Variants in TFDP2 observed in about 807,000 individuals in gnomAD.
The protein encoded by TFDP2 is transcription factor Dp-2 (E2F dimerization partner 2).
Under a neutral mutation model 59.3 loss-of-function variants are expected in TFDP2, and 17 were observed. That is an observed-to-expected ratio of 0.29 (90% CI 0.20 to 0.43). TFDP2 has a LOEUF of 0.43. TFDP2 is among the 20% of genes least tolerant of loss of function. The probability of loss-of-function intolerance (pLI) is 1.00; values close to 1 mark genes in which losing one functional copy is unlikely to be tolerated. For missense variants in TFDP2, 391 were observed against 528.8 expected (o/e 0.74, Z 2.56); for synonymous variants, 180 against 194.7 (o/e 0.92, Z 0.63).
chr3:141,999,393 G>C (rs1327343769), intron 4 of TFDP2, among the ~76,000 whole-genome samples: 1 of 152,086 alleles, frequency 6.6e-6, no homozygotes, highest in East Asian at 1.9e-4. Flanking sequence ...TCAATAATAA[G>C]GTATTAATAG....
chr3:141,998,165 C>A (rs1028893022), intron 4 of TFDP2, among the ~76,000 whole-genome samples: 1 of 152,034 alleles, frequency 6.6e-6, no homozygotes, highest in Non-Finnish European at 1.5e-5. Flanking sequence ...ATGTGAGATA[C>A]AGTAAGTTCC....
intron 1 of TFDP2, among the ~76,000 whole-genome samples, chr3:142,117,743 T>C (rs1005480798): frequency 2.6e-5 from 4 of 151,952 alleles, no homozygotes; most frequent in Non-Finnish European, 4.4e-5. Flanking sequence ...CAGGTATACA[T>C]ATATAAAGAA....
intron 10 of TFDP2, among the ~76,000 whole-genome samples, chr3:141,961,962 G>T (rs1286512896): frequency 1.3e-5 from 2 of 151,684 alleles, no homozygotes; most frequent in Non-Finnish European, 2.9e-5. Context: ...CTCTTTTTTT[G>T]GGGGGGACGG....
chr3:141,974,941 T>C (rs1438560746), intron 7 of TFDP2, among the ~76,000 whole-genome samples: 1 of 141,898 alleles, frequency 7.0e-6, no homozygotes, highest in African/African-American at 2.7e-5. Flanking sequence ...TGAGACAGTG[T>C]CTCGCTCTCT....
At chr3:142,037,877 A>G (rs1441022680) in intron 3 of TFDP2, among the ~76,000 whole-genome samples, 1 of 152,194 alleles carries the variant, frequency 6.6e-6, no homozygotes, top group Non-Finnish European at 1.5e-5. Flanking sequence ...TTCCCTTTTA[A>G]GTGGATATTT....
rs186980595 is a variant in TFDP2, at chr3:142,125,544, C to A, written c.-93+23639G>T. ...TCTATATGGATACTCACTACAGTGT[C>A]ATTTATATAGCAAAAGATTGGAAAA... On this transcript the variant is annotated intron_variant, in intron 1 of 12. Coordinates refer to ENST00000489671, the MANE Select transcript of TFDP2 (RefSeq NM_001178139.2). Among the ~76,000 whole-genome samples, 139 of 152,092 alleles carry A rather than the reference C, an allele frequency of 9.1e-4. 1 individual carries two copies. The highest frequency in any genetic ancestry group is 3.1e-3 in the African/African-American group (130 of 41,504).
chr3:142,113,556 C>G (rs2061736985), intron 1 of TFDP2, among the ~76,000 whole-genome samples: 1 of 152,028 alleles, frequency 6.6e-6, no homozygotes, highest in Non-Finnish European at 1.5e-5. Flanking sequence ...CCACTGTGCC[C>G]GGCCGACTTT....
chr3:141,989,635 C>T (rs1242739057), intron 6 of TFDP2: 2 of 152,314 alleles, frequency 1.3e-5, no homozygotes, highest in South Asian at 2.1e-4. Context: ...TTTATTCAAT[C>T]GCCCTCCTTA....
intron 6 of TFDP2, among the ~76,000 whole-genome samples, chr3:141,980,522 C>T (rs139793053): frequency 6.7e-4 from 102 of 151,950 alleles, no homozygotes; most frequent in African/African-American, 2.3e-3. Context: ...TATTTTTGGA[C>T]CCATTAATAT....
At chr3:142,141,811 A>C (rs1188201223) in intron 1 of TFDP2, among the ~76,000 whole-genome samples, 1 of 152,050 alleles carries the variant, frequency 6.6e-6, no homozygotes, top group Admixed American at 6.5e-5. Flanking sequence ...TGACAGAGCA[A>C]GACTCTGTCT....
chr3:142,009,740 A>G (rs1054923259), intron 3 of TFDP2, among the ~76,000 whole-genome samples: 20 of 151,744 alleles, frequency 1.3e-4, no homozygotes, highest in African/African-American at 4.6e-4. Flanking sequence ...AAGAAAAAGA[A>G]AAAGAAATTG....
At chr3:142,145,958 G>T (rs73236044) in intron 1 of TFDP2, among the ~76,000 whole-genome samples, 3 of 152,022 alleles carry the variant, frequency 2.0e-5, no homozygotes, top group Non-Finnish European at 4.4e-5. Context: ...TTCTAATTGG[G>T]TGACCAACCT....
intron 1 of TFDP2, among the ~76,000 whole-genome samples, chr3:142,140,342 A>G (rs1206822513): frequency 1.3e-5 from 2 of 152,140 alleles, no homozygotes; most frequent in South Asian, 2.1e-4. Flanking sequence ...GTTATTACCA[A>G]CCTTCTGAAG....
At chr3:141,961,198 A>G (rs1205255334) in intron 10 of TFDP2, among the ~76,000 whole-genome samples, 1 of 151,836 alleles carries the variant, frequency 6.6e-6, no homozygotes, top group Non-Finnish European at 1.5e-5. Context: ...TTTATCTGAA[A>G]AGATGCTAAC....
Position 141,948,223 on chromosome 3 carries a change from G to A in TFDP2, c.*4290C>T, listed in dbSNP as rs934531856. On this transcript the variant is annotated 3_prime_UTR_variant, in exon 13 of 13. Coordinates refer to ENST00000489671, the MANE Select transcript of TFDP2 (RefSeq NM_001178139.2). Reference sequence around the variant, plus strand: ...GAGGGAGCTTGATAGATATTAAAGGGCCCTTGAAAGGAAATAATTTTTAAA... The same window carrying A: ...GAGGGAGCTTGATAGATATTAAAGGACCCTTGAAAGGAAATAATTTTTAAA... 2.0e-5 allele frequency: 3 copies of A among 152,190 alleles called. No individual in the cohort carries two copies. Among genetic ancestry groups the A allele is most frequent in the Admixed American group, 2.0e-4 (3 of 15,260 alleles). The allele number at this position is 152,190 out of a possible 1,614,324, so 9.4% of individuals were successfully genotyped here.
intron 3 of TFDP2, among the ~76,000 whole-genome samples, chr3:142,051,726 T>C (rs976237490): frequency 3.3e-5 from 5 of 152,190 alleles, no homozygotes; most frequent in African/African-American, 7.2e-5. Context: ...AGCAATTCTA[T>C]GGGAAATGAT....
intron 2 of TFDP2, among the ~76,000 whole-genome samples, chr3:142,097,823 T>A (rs577651367): frequency 6.6e-6 from 1 of 152,266 alleles, no homozygotes; most frequent in East Asian, 1.9e-4. Flanking sequence ...ATAGTCCCTA[T>A]TGCCCAGGCT....
intron 3 of TFDP2, among the ~76,000 whole-genome samples, chr3:142,021,542 T>C (rs987547207): frequency 1.3e-5 from 2 of 152,216 alleles, no homozygotes; most frequent in Non-Finnish European, 2.9e-5. Flanking sequence ...TCCTACATAC[T>C]TTCCCTAGAA....
chr3:142,138,017 G>A (rs1000762944), intron 1 of TFDP2, among the ~76,000 whole-genome samples: 3 of 152,064 alleles, frequency 2.0e-5, no homozygotes, highest in Non-Finnish European at 4.4e-5. Context: ...AATTTTTTTG[G>A]TTGGTAGGCT....
Sources: gnomAD v4.1 joint callset for allele counts (sites outside exome capture counted in the v4.1 genomes callset) on GRCh38, gnomAD v4.1.1 for gene constraint, MANE v1.5 for transcripts, NCBI Gene and HGNC (gene_info 2026-07-23, HGNC 2026-07-21) for gene names.